Variants in PTPN11 observed in about 807,000 individuals in gnomAD.
PTPN11 encodes the protein protein tyrosine phosphatase non-receptor type 11, also known as tyrosine-protein phosphatase non-receptor type 11.
Under a neutral mutation model 78.8 loss-of-function variants are expected in PTPN11, and 6 were observed. That is an observed-to-expected ratio of 0.08 (90% CI 0.04 to 0.15). The LOEUF (loss-of-function observed/expected upper bound fraction) is 0.15. PTPN11 is among the 10% of genes least tolerant of loss of function. The pLI, the probability that PTPN11 is intolerant of heterozygous loss-of-function variation, is 1.00. For missense variants in PTPN11, 386 were observed against 744.8 expected, an observed-to-expected ratio of 0.52 and a Z score of 5.61; for synonymous variants, 221 against 263.5, an observed-to-expected ratio of 0.84 and a Z score of 1.56.
At chr12:112,445,225 G>A (rs909995256) in intron 1 of PTPN11, among the ~76,000 whole-genome samples, 4 of 152,060 alleles carry the variant, frequency 2.6e-5, no homozygotes, top group African/African-American at 9.7e-5. Flanking sequence ...TCTGCCTCCT[G>A]GATTCAAGCA....
rs1452296187 is a variant in PTPN11 at position 112,421,307 on chromosome 12, A to G, written c.14+2182A>G. Among the ~76,000 whole-genome samples the G allele has an allele frequency of 3.3e-5, 5 of 152,246 alleles. No individual in the cohort carries two copies. The East Asian group carries it at 7.7e-4, about 23-fold the overall frequency. On this transcript the variant is annotated intron_variant, in intron 1 of 15. Transcript: ENST00000351677. ...AATGTACAATTTGATCAGTTTTGAC[A>G]TACATATACACTTGGGAAACCACCA...
intron 1 of PTPN11, among the ~76,000 whole-genome samples, chr12:112,427,169 C>T (rs918298527): frequency 2.0e-5 from 3 of 151,934 alleles, no homozygotes. Context: ...TTGCTTGAAC[C>T]TGGAAGGTGG....
intron 1 of PTPN11, among the ~76,000 whole-genome samples, chr12:112,423,922 TC>T (rs1446552164): frequency 3.5e-4 from 53 of 152,032 alleles, no homozygotes; most frequent in African/African-American, 1.2e-3. Context: ...GTCCAATTTT[TC>T]TATTTTTTTG....
chr12:112,423,422 A>C (rs560128400), intron 1 of PTPN11, among the ~76,000 whole-genome samples: 1 of 152,012 alleles, frequency 6.6e-6, no homozygotes, highest in Non-Finnish European at 1.5e-5. Flanking sequence ...AGTAGCTGGG[A>C]TTACAGGTGC....
intron 1 of PTPN11, among the ~76,000 whole-genome samples, chr12:112,424,304 AGGTAGGTG>A (rs2037570835): frequency 6.6e-6 from 1 of 152,124 alleles, no homozygotes; most frequent in South Asian, 2.1e-4. Context: ...GGAAGGTGGG[AGGTAGGTG>A]GGAGCAGACC....
Position 112,495,307 on chromosome 12 carries a change from A to G in PTPN11, c.1599+6132A>G, listed in dbSNP as rs1273708234. ...CACACACTGAGTTTGGTCACTTGTC[A>G]CTGTAGTCTTCTCCAATCTGCGACA... is the stretch of plus-strand genomic sequence containing the variant. On this transcript the variant is annotated intron_variant, in intron 13 of 15. Transcript: ENST00000351677. Among the ~76,000 whole-genome samples, 4 of 152,266 alleles carry G rather than the reference A, an allele frequency of 2.6e-5. No individual in the cohort carries two copies. The East Asian group carries it at 7.7e-4, about 29-fold the overall frequency.
At chr12:112,483,616 C>T (rs1171041771) in intron 10 of PTPN11, among the ~76,000 whole-genome samples, 10 of 152,150 alleles carry the variant, frequency 6.6e-5, no homozygotes, top group African/African-American at 2.2e-4. Context: ...AGAGATTCCC[C>T]TCCACCCTGT....
rs149874756 is a variant in PTPN11 at position 112,502,891 on chromosome 12, G to T, written c.1712+635G>T. Reference sequence around the variant, plus strand: ...TTGATGGGCTGGGGATTGTAACAAAGGAAGGTCATATGTCTTAATGATGTG... The same window carrying T: ...TTGATGGGCTGGGGATTGTAACAAATGAAGGTCATATGTCTTAATGATGTG... On this transcript the variant is annotated intron_variant, in intron 14 of 15. Transcript: ENST00000351677. Among the ~76,000 whole-genome samples the T allele has an allele frequency of 6.6e-3, 1,011 of 152,304 alleles. 15 individuals are homozygous for T. The highest frequency in any genetic ancestry group is 0.023 in the African/African-American group (963 of 41,550).
chr12:112,431,905 A>G lies in PTPN11; in HGVS notation c.14+12780A>G, dbSNP rs2037718765. 2.6e-5 allele frequency among the ~76,000 whole-genome samples: 4 copies of G among 152,172 alleles called. No homozygotes were observed. The South Asian group carries it at 8.3e-4, about 31-fold the overall frequency. On this transcript the variant is annotated intron_variant, in intron 1 of 15. Coordinates refer to ENST00000351677, the MANE Select transcript of PTPN11 (RefSeq NM_002834.5). The stretch of plus-strand genomic sequence containing the variant: ...TAACAATGCCAACATGAACCTCTGT[A>G]GGAAAAAAAATACCACAGACTAAAA...
chr12:112,425,161 T>G (rs1183917178), intron 1 of PTPN11, among the ~76,000 whole-genome samples: 1 of 151,920 alleles, frequency 6.6e-6, no homozygotes, highest in Admixed American at 6.6e-5. Flanking sequence ...CCTAACAACT[T>G]TAAAAAAATT....
In PTPN11 at chr12:112,484,286, G is replaced by A. The variant is rs146929709; in HGVS notation, c.1224+2081G>A. 3.7e-3 allele frequency among the ~76,000 whole-genome samples: 563 copies of A among 152,278 alleles called. 2 individuals carry two copies. The highest frequency in any genetic ancestry group is 0.013 in the African/African-American group (536 of 41,538). ...GCTGTGCCAAGTTCCCAGTTGAGGCGGTGAACATGAAAATATACTGATACC... is the reference window on the plus strand; with the variant it reads ...GCTGTGCCAAGTTCCCAGTTGAGGCAGTGAACATGAAAATATACTGATACC... On this transcript the variant is annotated intron_variant, in intron 10 of 15. Transcript: ENST00000351677.
At chr12:112,485,775 G>A (rs1243793382) in intron 10 of PTPN11, among the ~76,000 whole-genome samples, 3 of 152,110 alleles carry the variant, frequency 2.0e-5, no homozygotes, top group African/African-American at 7.2e-5. Context: ...TCAGGAGTTT[G>A]CAACCAGCCT....
At chr12:112,448,464 G>C (rs180902705) in intron 2 of PTPN11, among the ~76,000 whole-genome samples, 1 of 152,044 alleles carries the variant, frequency 6.6e-6, no homozygotes, top group East Asian at 1.9e-4. Context: ...GGATCTGCCT[G>C]TCTCAGCCTC....
chr12:112,492,643 A>G (rs886361019), intron 13 of PTPN11, among the ~76,000 whole-genome samples: 18 of 151,180 alleles, frequency 1.2e-4, no homozygotes, highest in African/African-American at 4.1e-4. Context: ...TCAGCCTCCC[A>G]AGTAGTTGGG....
chr12:112,446,151 A>G, intron 1 of PTPN11, 125 bp from the exon 2 acceptor site: 3 of 1,173,004 alleles, frequency 2.6e-6, no homozygotes. Context: ...GGGACAGGGA[A>G]GGTCTTGATT....
Position 112,506,013 on chromosome 12 carries a change from G to C in PTPN11, c.*221G>C, listed in dbSNP as rs1238203629. ...TGCTTCCCAATTACTCATTTCCTCAGATAAGAAGAAATCATCTCTACAATG... is the reference window on the plus strand; with the variant it reads ...TGCTTCCCAATTACTCATTTCCTCACATAAGAAGAAATCATCTCTACAATG... On this transcript the variant is annotated 3_prime_UTR_variant, in exon 16 of 16. Coordinates refer to ENST00000351677, the MANE Select transcript of PTPN11 (RefSeq NM_002834.5). 6.6e-6 allele frequency: 1 copy of C among 152,250 alleles called. No homozygotes were observed. The highest frequency in any genetic ancestry group is 6.5e-5 in the Admixed American group (1 of 15,272). 9.4% of individuals were successfully genotyped at this position (152,250 alleles called of 1,614,324 possible). A position where few individuals can be genotyped will look rare whatever the true frequency, so the allele number is the denominator to read the frequency against.
intron 3 of PTPN11, among the ~76,000 whole-genome samples, chr12:112,451,610 G>A (rs1362652750): frequency 6.6e-6 from 1 of 152,128 alleles, no homozygotes; most frequent in African/African-American, 2.4e-5. Flanking sequence ...GATATTGCTG[G>A]TTGTGGAGCC....
intron 6 of PTPN11, among the ~76,000 whole-genome samples, chr12:112,463,708 C>T (rs933880759): frequency 7.2e-5 from 11 of 152,040 alleles, no homozygotes; most frequent in Non-Finnish European, 1.2e-4. Context: ...TGGAAAATAA[C>T]GAGATCACAT....
intron 1 of PTPN11, among the ~76,000 whole-genome samples, chr12:112,425,387 T>C (rs895052663): frequency 6.6e-6 from 1 of 152,076 alleles, no homozygotes; most frequent in Non-Finnish European, 1.5e-5. Flanking sequence ...TCTTTTACTA[T>C]AGGATATTAA....
Sources: gnomAD v4.1 joint callset for allele counts (sites outside exome capture counted in the v4.1 genomes callset) on GRCh38, gnomAD v4.1.1 for gene constraint, MANE v1.5 for transcripts, NCBI Gene and HGNC (gene_info 2026-07-23, HGNC 2026-07-21) for gene names.